Variants in RALGAPA2 observed in about 807,000 individuals in gnomAD.
The protein encoded by RALGAPA2 is Ral GTPase activating protein catalytic subunit alpha 2.
A neutral mutation model predicts 230.4 loss-of-function variants in RALGAPA2; 139 were observed. The observed-to-expected ratio is 0.60, with a 90% confidence interval of 0.53 to 0.69. The LOEUF (loss-of-function observed/expected upper bound fraction) is 0.69, where lower values mean the gene tolerates loss of function less well. Among genes scored for constraint, RALGAPA2 ranks in the 30% least tolerant of loss-of-function variants. RALGAPA2 has a pLI of 0.00. For synonymous variants in RALGAPA2, 847 were observed against 837.8 expected, an observed-to-expected ratio of 1.01 and a Z score of -0.19; for missense variants, 2,163 against 2,276.0, an observed-to-expected ratio of 0.95 and a Z score of 1.01.
At chr20:20,618,643 G>A (rs950587428) in intron 12 of RALGAPA2, among the ~76,000 whole-genome samples, 5 of 152,138 alleles carry the variant, frequency 3.3e-5, no homozygotes, top group Non-Finnish European at 7.4e-5. Context: ...GGCGGGCGAG[G>A]GGGCAGTGAG....
chr20:20,463,691 T>A (rs2061353245), intron 37 of RALGAPA2, among the ~76,000 whole-genome samples: 1 of 152,202 alleles, frequency 6.6e-6, no homozygotes, highest in Non-Finnish European at 1.5e-5. Flanking sequence ...GAATCAGGAA[T>A]AATGGCTCCC....
At chr20:20,687,256 C>T (rs1427181857) in intron 1 of RALGAPA2, among the ~76,000 whole-genome samples, 1 of 152,180 alleles carries the variant, frequency 6.6e-6, no homozygotes, top group Admixed American at 6.5e-5. Flanking sequence ...TAGTCAGACA[C>T]AAGACAGAAA....
intron 37 of RALGAPA2, among the ~76,000 whole-genome samples, chr20:20,423,712 G>C (rs1602326790): frequency 6.6e-6 from 1 of 152,292 alleles, no homozygotes; most frequent in Non-Finnish European, 1.5e-5. Flanking sequence ...TTCTAGGACT[G>C]TTTAAGGCCA....
chr20:20,648,312 A>G (rs2067284376), intron 4 of RALGAPA2, among the ~76,000 whole-genome samples: 2 of 152,132 alleles, frequency 1.3e-5, no homozygotes, highest in Admixed American at 1.3e-4. Context: ...AGGGCCAGAA[A>G]AGCAGATCAG....
chr20:20,514,114 G>GCA (rs994986261), intron 31 of RALGAPA2, among the ~76,000 whole-genome samples: 3 of 151,022 alleles, frequency 2.0e-5, no homozygotes, highest in Admixed American at 6.6e-5. Flanking sequence ...ACCTTCCTGT[G>GCA]CACACATCAT....
intron 1 of RALGAPA2, among the ~76,000 whole-genome samples, chr20:20,700,063 C>T (rs2146976359): frequency 6.6e-6 from 1 of 152,194 alleles, no homozygotes; most frequent in African/African-American, 2.4e-5. Context: ...ACCTAACTGC[C>T]CATTAGTGGT....
intron 9 of RALGAPA2, 109 bp from the exon 10 acceptor site, chr20:20,629,699 C>T (rs1191364690): frequency 1.7e-6 from 2 of 1,145,468 alleles, no homozygotes; most frequent in East Asian, 5.0e-5. Flanking sequence ...CATCAATGTG[C>T]ACAGGGTACA....
intron 35 of RALGAPA2, among the ~76,000 whole-genome samples, chr20:20,502,595 C>T (rs2062408937): frequency 6.6e-6 from 1 of 152,174 alleles, no homozygotes; most frequent in African/African-American, 2.4e-5. Context: ...TGGCTATAAC[C>T]ACCACAGTAG....
intron 37 of RALGAPA2, among the ~76,000 whole-genome samples, chr20:20,455,199 C>T (rs559158463): frequency 2.6e-5 from 4 of 152,358 alleles, no homozygotes; most frequent in East Asian, 3.9e-4. Flanking sequence ...TGCTCTGCCT[C>T]GCATGACTTG....
intron 37 of RALGAPA2, among the ~76,000 whole-genome samples, chr20:20,464,604 C>A (rs150595448): frequency 2.6e-5 from 4 of 152,284 alleles, no homozygotes; most frequent in African/African-American, 9.6e-5. Flanking sequence ...CAAAAACCAA[C>A]TAAATAAACT....
chr20:20,589,462 A>C, intron 17 of RALGAPA2, 97 bp from the exon 18 acceptor site: 1 of 1,286,332 alleles, frequency 7.8e-7, no homozygotes, highest in South Asian at 1.5e-5. Flanking sequence ...TATTAAATTT[A>C]AATATTCTAA....
chr20:20,695,512 G>A (rs1305559220), intron 1 of RALGAPA2, among the ~76,000 whole-genome samples: 2 of 152,180 alleles, frequency 1.3e-5, no homozygotes, highest in Non-Finnish European at 2.9e-5. Flanking sequence ...ACCTTTCCTT[G>A]TTGTGCTTAA....
At chr20:20,638,241 AG>A (rs1408975920) in intron 7 of RALGAPA2, among the ~76,000 whole-genome samples, 1 of 152,192 alleles carries the variant, frequency 6.6e-6, no homozygotes, top group African/African-American at 2.4e-5. Flanking sequence ...CACAGCCCTT[AG>A]ATAAGACCTG....
Position 20,705,596 on chromosome 20 carries a change from T to G in RALGAPA2, c.106+6779A>C, listed in dbSNP as rs1372379437. ...AGAACAATAATTTATATGCCTTCTT[T>G]TAAAAAATTTTTAAAATTCAAATTG... On this transcript the variant is annotated intron_variant, in intron 1 of 39. Transcript: ENST00000202677. Among the ~76,000 whole-genome samples the G allele has an allele frequency of 3.9e-5, 6 of 152,208 alleles. No homozygotes were observed. In the East Asian group the frequency reaches 1.2e-3, roughly 29 times the overall value.
rs202085341 is a variant in RALGAPA2 at position 20,393,146 on chromosome 20, T to G, written c.*143A>C. 3.5e-4 allele frequency: 482 copies of G among 1,360,780 alleles called. 1 individual carries two copies. The highest frequency in any genetic ancestry group is 4.2e-4 in the Middle Eastern group (2 of 4,766). 84.3% of individuals were successfully genotyped at this position (1,360,780 alleles called of 1,614,324 possible). ...GCACTAGTACAGCAACGAAATTTCCTGGAGATTCTGGGTTTAGTGGCTCGG... is the reference window on the plus strand; with the variant it reads ...GCACTAGTACAGCAACGAAATTTCCGGGAGATTCTGGGTTTAGTGGCTCGG... On this transcript the variant is annotated 3_prime_UTR_variant, in exon 40 of 40. Transcript: ENST00000202677.
intron 20 of RALGAPA2, among the ~76,000 whole-genome samples, chr20:20,574,000 A>C (rs1726463636): frequency 6.6e-6 from 1 of 152,218 alleles, no homozygotes; most frequent in Non-Finnish European, 1.5e-5. Context: ...AATAAACATT[A>C]AACTGAAGAA....
chr20:20,543,752 G>A (rs987932089), intron 24 of RALGAPA2, among the ~76,000 whole-genome samples: 1 of 152,050 alleles, frequency 6.6e-6, no homozygotes, highest in Non-Finnish European at 1.5e-5. Context: ...AGCGGGGAGG[G>A]ATAGCATTAG....
intron 19 of RALGAPA2, among the ~76,000 whole-genome samples, chr20:20,584,076 G>C (rs1285112862): frequency 1.3e-5 from 2 of 152,178 alleles, no homozygotes; most frequent in Non-Finnish European, 2.9e-5. Context: ...AGCTAGCAGG[G>C]TGAAGGTAGA....
intron 3 of RALGAPA2, among the ~76,000 whole-genome samples, chr20:20,675,637 C>T (rs1160826682): frequency 3.9e-5 from 6 of 152,116 alleles, no homozygotes; most frequent in Admixed American, 6.6e-5. Context: ...AGACTTTAAG[C>T]TTAATAAGTC....
Sources: gnomAD v4.1 joint callset for allele counts (sites outside exome capture counted in the v4.1 genomes callset) on GRCh38, gnomAD v4.1.1 for gene constraint, MANE v1.5 for transcripts, NCBI Gene and HGNC (gene_info 2026-07-23, HGNC 2026-07-21) for gene names.